The following L3MBTL4 variants were observed in gnomAD, a reference collection of about 807,000 sequenced individuals.
L3MBTL4 encodes the protein lethal(3)malignant brain tumor-like protein 4.
L3MBTL4 carries 70 observed loss-of-function variants against 84.5 expected under a neutral mutation model. That is an observed-to-expected ratio of 0.83 (90% CI 0.68 to 1.01). The LOEUF (loss-of-function observed/expected upper bound fraction) is 1.01, where lower values mean the gene tolerates loss of function less well. L3MBTL4 is among the 50% of genes least tolerant of loss of function. The pLI is 0.00. For synonymous variants in L3MBTL4, 274 were observed against 259.8 expected (o/e 1.05, Z -0.52); for missense variants, 715 against 754.8 (o/e 0.95, Z 0.62).
intron 16 of L3MBTL4, among the ~76,000 whole-genome samples, chr18:6,064,307 G>A (rs1376147621): frequency 4.6e-5 from 7 of 152,008 alleles, no homozygotes; most frequent in African/African-American, 7.2e-5. Context: ...CTCCATATTT[G>A]TTCTTTTTGC....
intron 1 of L3MBTL4, among the ~76,000 whole-genome samples, chr18:6,403,161 G>GT (rs2055582078): frequency 6.6e-6 from 1 of 152,162 alleles, no homozygotes; most frequent in Admixed American, 6.5e-5. Context: ...ACATTTATGC[G>GT]TATGAAAAAC....
chr18:6,267,458 G>C (rs2048684118), intron 4 of L3MBTL4, among the ~76,000 whole-genome samples: 1 of 152,204 alleles, frequency 6.6e-6, no homozygotes, highest in Admixed American at 6.5e-5. Context: ...TTTTGCCAGA[G>C]AGAGAAAGCA....
At chr18:6,101,825 C>T (rs7241135) in intron 14 of L3MBTL4, among the ~76,000 whole-genome samples, 5,701 of 152,300 alleles carry the variant, frequency 0.037, 346 homozygotes, top group African/African-American at 0.13. Context: ...CAGAAGCATT[C>T]CAGAAGAAGG....
chr18:6,036,772 T>C (rs748710148), intron 16 of L3MBTL4, among the ~76,000 whole-genome samples: 3 of 152,220 alleles, frequency 2.0e-5, no homozygotes, highest in Non-Finnish European at 4.4e-5. Flanking sequence ...TTTTTTATAT[T>C]TAAAATTGTT....
At chr18:6,074,362 T>C (rs1393323270) in intron 16 of L3MBTL4, among the ~76,000 whole-genome samples, 1 of 152,236 alleles carries the variant, frequency 6.6e-6, no homozygotes, top group Non-Finnish European at 1.5e-5. Context: ...TGTCCAGTTT[T>C]GTAAAATGTT....
At chr18:6,097,787 A>G (rs1014322042) in intron 14 of L3MBTL4, among the ~76,000 whole-genome samples, 1 of 152,130 alleles carries the variant, frequency 6.6e-6, no homozygotes, top group South Asian at 2.1e-4. Context: ...CTCTGCTTTG[A>G]CTAGACTCAG....
chr18:6,100,718 C>T (rs1360775815), intron 14 of L3MBTL4, among the ~76,000 whole-genome samples: 1 of 152,184 alleles, frequency 6.6e-6, no homozygotes, highest in Admixed American at 6.5e-5. Context: ...TGGATGCCAC[C>T]CTGGCTGAGA....
chr18:6,287,673 A>T (rs138441751), intron 4 of L3MBTL4, among the ~76,000 whole-genome samples: 1 of 152,376 alleles, frequency 6.6e-6, no homozygotes, highest in Non-Finnish European at 1.5e-5. Context: ...CCAAGAAAAT[A>T]CTATGCAGAC....
intron 18 of L3MBTL4, among the ~76,000 whole-genome samples, chr18:5,959,045 A>T (rs1483888926): frequency 6.6e-6 from 1 of 152,194 alleles, no homozygotes; most frequent in Non-Finnish European, 1.5e-5. Flanking sequence ...GCAGCTACCC[A>T]GACTGAGGCT....
chr18:6,381,852 G>A (rs898641983), intron 1 of L3MBTL4, among the ~76,000 whole-genome samples: 1 of 152,134 alleles, frequency 6.6e-6, no homozygotes, highest in African/African-American at 2.4e-5. Flanking sequence ...GGTCTTCTCT[G>A]TATTTCCTGA....
In L3MBTL4 at chr18:6,119,321, C is replaced by G. The variant is rs1057297122; in HGVS notation, c.1199+18873G>C. On this transcript the variant is annotated intron_variant, in intron 14 of 18. Coordinates refer to ENST00000317931, the MANE Select transcript of L3MBTL4 (RefSeq NM_001330559.2). ...AAGGAACCATGAAAATGCAAACAGC[C>G]GAACAATTGCAGATGGCACCTAAAT... Among the ~76,000 whole-genome samples, 3 of 152,042 alleles carry G rather than the reference C, an allele frequency of 2.0e-5. No homozygotes were observed. In the South Asian group the frequency reaches 6.2e-4, roughly 32 times the overall value.
intron 14 of L3MBTL4, among the ~76,000 whole-genome samples, chr18:6,116,494 T>A (rs997844783): frequency 3.3e-5 from 5 of 151,608 alleles, no homozygotes; most frequent in Non-Finnish European, 7.4e-5. Flanking sequence ...CTCCCAATTA[T>A]CTAGGATTAC....
At chr18:6,272,907 T>C (rs374913463) in intron 4 of L3MBTL4, among the ~76,000 whole-genome samples, 47 of 96,456 alleles carry the variant, frequency 4.9e-4, no homozygotes, top group South Asian at 1.2e-3. Flanking sequence ...ATATAAGGAA[T>C]ACAGAAGAGT....
At chr18:6,281,904 A>G (rs2049337593) in intron 4 of L3MBTL4, among the ~76,000 whole-genome samples, 1 of 152,232 alleles carries the variant, frequency 6.6e-6, no homozygotes, top group Non-Finnish European at 1.5e-5. Context: ...CTTGATGCTT[A>G]TTTGGGGAAC....
chr18:6,182,416 C>T (rs150514857), intron 12 of L3MBTL4, among the ~76,000 whole-genome samples: 83 of 152,148 alleles, frequency 5.5e-4, no homozygotes, highest in African/African-American at 1.8e-3. Context: ...TGATTGTTTG[C>T]TTGTTGATGC....
chr18:6,333,106 T>G (rs2052126716), intron 1 of L3MBTL4, among the ~76,000 whole-genome samples: 1 of 148,040 alleles, frequency 6.8e-6, no homozygotes, highest in African/African-American at 2.6e-5. Context: ...TCTTTTTAAT[T>G]AGTTAAAATG....
intron 1 of L3MBTL4, among the ~76,000 whole-genome samples, chr18:6,390,008 C>A (rs2054980190): frequency 6.6e-6 from 1 of 152,126 alleles, no homozygotes; most frequent in South Asian, 2.1e-4. Flanking sequence ...TTCTTCTCAA[C>A]AGCACATGGA....
intron 5 of L3MBTL4, among the ~76,000 whole-genome samples, chr18:6,263,300 A>T (rs2048490382): frequency 6.6e-6 from 1 of 152,062 alleles, no homozygotes; most frequent in Non-Finnish European, 1.5e-5. Flanking sequence ...AAAAAAGTAA[A>T]GTAACGAGGT....
intron 16 of L3MBTL4, among the ~76,000 whole-genome samples, chr18:6,072,141 C>T (rs2057679904): frequency 6.6e-6 from 1 of 152,060 alleles, no homozygotes; most frequent in African/African-American, 2.4e-5. Flanking sequence ...TTTTCATGAG[C>T]CTAGTAATAT....
Sources: gnomAD v4.1 joint callset for allele counts (sites outside exome capture counted in the v4.1 genomes callset) on GRCh38, gnomAD v4.1.1 for gene constraint, MANE v1.5 for transcripts, NCBI Gene and HGNC (gene_info 2026-07-23, HGNC 2026-07-21) for gene names.